Variants in UBR4 observed in about 807,000 individuals in gnomAD.
The protein encoded by UBR4 is E3 ubiquitin-protein ligase UBR4.
A neutral mutation model predicts 575.6 loss-of-function variants in UBR4; 124 were observed. The observed-to-expected ratio is 0.22, with a 90% confidence interval of 0.19 to 0.25. UBR4 has a LOEUF of 0.25. Ranked by LOEUF, UBR4 falls within the 10% of genes least tolerant of loss-of-function variation. UBR4 has a pLI of 1.00. For synonymous variants in UBR4, 2,455 were observed against 2,473.7 expected (o/e 0.99, Z 0.22); for missense variants, 4,818 against 6,478.8 (o/e 0.74, Z 8.80).
At chr1:19,132,605 T>TAAAAAAAAAAAAAAAAAAAAAAAAGGA in intron 60 of UBR4, among the ~76,000 whole-genome samples, 5 of 24,126 alleles carry the variant, frequency 2.1e-4, no homozygotes, top group African/African-American at 4.6e-4. Context: ...TAAAAAATGG[T>TAAAAAAAAAAAAAAAAAAAAAAAAGGA]AAAAAAAAAA....
chr1:19,107,574 G>C (rs1312044754), intron 81 of UBR4, among the ~76,000 whole-genome samples: 1 of 152,142 alleles, frequency 6.6e-6, no homozygotes, highest in Non-Finnish European at 1.5e-5. Context: ...CTTTAGTCCA[G>C]GAGTTCGAGA....
Position 19,100,021 on chromosome 1 carries a change from A to C in UBR4, c.13222-344T>G. 2.3e-6 allele frequency: 1 copy of C among 430,662 alleles called. No homozygotes were observed. The highest frequency in any genetic ancestry group is 4.2e-6 in the Non-Finnish European group (1 of 240,326). 26.7% of individuals were successfully genotyped at this position (430,662 alleles called of 1,614,324 possible). Reference sequence around the variant, plus strand: ...AGAAAGTAACTGACACGGGGACATAAACCTGCACAGGGGGTAAAACGCCAA... The same window carrying C: ...AGAAAGTAACTGACACGGGGACATACACCTGCACAGGGGGTAAAACGCCAA... On this transcript the variant is annotated intron_variant, in intron 89 of 105. Coordinates refer to ENST00000375254, the MANE Select transcript of UBR4 (RefSeq NM_020765.3). This position sits in a 1 kb window ranked among gnomAD's most constrained non-coding sequence, Gnocchi z 4.2.
chr1:19,097,274 G>A lies in UBR4; in HGVS notation c.13309C>T (p.Pro4437Ser), dbSNP rs1226926843. The change falls in exon 91 of 106, where the codon CCC becomes TCC. Residue 4437 changes from proline (P) to serine (S), a missense_variant. By Grantham distance (74) the Pro-to-Ser change is moderately conservative. Coordinates refer to ENST00000375254, the MANE Select transcript of UBR4 (RefSeq NM_020765.3). ...KVWCTTNEGE[P>S]MRIVYRMRGL... ...CGCATACGATAAACAATCCTCATGG[G>A]CTCTCCCTGAGCAGAGAAAGTTGGA... 6.2e-7 allele frequency: 1 copy of A among 1,613,092 alleles called. No homozygotes were observed. The highest frequency in any genetic ancestry group is 1.3e-5 in the African/African-American group (1 of 74,870).
intron 83 of UBR4, 142 bp downstream of exon 83, chr1:19,106,427 C>T: frequency 8.8e-7 from 1 of 1,137,046 alleles, no homozygotes; most frequent in Admixed American, 3.3e-5. Flanking sequence ...AACCTGTACT[C>T]ACTCCCTATT....
In UBR4 at chr1:19,117,250, G is replaced by T; in HGVS notation, c.10794C>A (p.Thr3598=). The change falls in exon 73 of 106, where the codon ACC becomes ACA. Residue 3598 remains threonine (T), a synonymous_variant. Transcript: ENST00000375254. This position sits in a 1 kb window ranked among gnomAD's most constrained non-coding sequence, Gnocchi z 4.0. The part of the protein sequence containing the change: ...RTINLYYNNR[T]VQAIVELKNK... ...TTTTCAACTCCACGATGGCCTGCAC[G>T]GTTCGGTTGTTATAATACAGGTTGA... 1 of 1,614,046 alleles carries T rather than the reference G, an allele frequency of 6.2e-7. No individual in the cohort carries two copies. Among genetic ancestry groups the T allele is most frequent in the East Asian group, 2.2e-5 (1 of 44,874 alleles).
intron 62 of UBR4, among the ~76,000 whole-genome samples, 183 bp downstream of exon 62, chr1:19,128,028 G>A (rs751670256): frequency 6.6e-5 from 10 of 152,122 alleles, no homozygotes; most frequent in Admixed American, 1.3e-4. Flanking sequence ...TATGCTCAGG[G>A]TCCAAAACTA....
Position 19,152,316 on chromosome 1 carries a change from G to C in UBR4, c.6993C>G (p.Thr2331=). The change falls in exon 47 of 106, where the codon ACC becomes ACG. Residue 2331 remains threonine, a synonymous_variant. Transcript: ENST00000375254. This position sits in a 1 kb window ranked among gnomAD's most constrained non-coding sequence, Gnocchi z 4.4. ...LNSTGMYVAN[T]KPGGFTIEIS... is the part of the protein sequence containing the mutation. ...CCCAGCCCAGTGCCATTCTTACCTT[G>C]GTGTTGGCCACATACATGCCAGTGG... The C allele has an allele frequency of 6.2e-7, 1 of 1,613,878 alleles. No individual in the cohort carries two copies. The highest frequency in any genetic ancestry group is 8.5e-7 in the Non-Finnish European group (1 of 1,179,812).
intron 84 of UBR4, among the ~76,000 whole-genome samples, 153 bp downstream of exon 84, chr1:19,105,580 C>A (rs768776641): frequency 1.3e-5 from 2 of 152,212 alleles, no homozygotes; most frequent in Admixed American, 1.3e-4. Flanking sequence ...CCACTACCAT[C>A]ACTAAAAGTC....
In UBR4 at chr1:19,197,275, G is replaced by A. The variant is rs1182415552; in HGVS notation, c.894-10C>T. ...CACCAATGAATGAAAGCTGGAACAT[G>A]ACAGAGATCAACAAGTGTCTCTTAG... On this transcript the variant is annotated splice_polypyrimidine_tract_variant and intron_variant, in intron 7 of 105. Transcript: ENST00000375254. 2.5e-6 allele frequency: 4 copies of A among 1,613,992 alleles called. No homozygotes were observed. Among genetic ancestry groups the A allele is most frequent in the South Asian group, 2.2e-5 (2 of 91,058 alleles).
chr1:19,202,389 A>G (rs1000837649), intron 1 of UBR4, among the ~76,000 whole-genome samples: 7 of 152,254 alleles, frequency 4.6e-5, no homozygotes, highest in Non-Finnish European at 2.9e-5. Context: ...AACAGCTAAT[A>G]TGCCTTCATT....
Position 19,193,404 on chromosome 1 carries a change from G to T in UBR4, c.1143+29C>A, listed in dbSNP as rs966135391. On this transcript the variant is annotated intron_variant, in intron 9 of 105. Transcript: ENST00000375254. ...ATACTCCCTCATTTGAACAATCAAG[G>T]TTCCCTTATCCCCAGATCTTTGGCT... 12 of 1,609,952 alleles carry T rather than the reference G, an allele frequency of 7.5e-6. No homozygotes were observed. In the African/African-American group the frequency reaches 1.5e-4, roughly 20 times the overall value.
In UBR4 at chr1:19,162,496, T is replaced by G. The variant is rs1557853659; in HGVS notation, c.4880A>C (p.Glu1627Ala). 6.2e-7 allele frequency: 1 copy of G among 1,614,086 alleles called. No individual in the cohort carries two copies. Among genetic ancestry groups the G allele is most frequent in the Non-Finnish European group, 8.5e-7 (1 of 1,179,940 alleles). Residue 1627 changes from glutamate (E) to alanine (A), a missense_variant, in exon 35 of 106, where the codon GAG (glutamate) becomes GCG (alanine). By Grantham distance (107) the Glu-to-Ala change is moderately radical (BLOSUM62 -1). This residue lies in a region of UBR4 where 1,172 missense variants were observed against 1,259.7 expected (regional missense o/e 0.93). Transcript: ENST00000375254. ...GPSHLSVDGEERAIEVDSDWV... is the reference protein window; with the variant it reads ...GPSHLSVDGEARAIEVDSDWV... ...GTCTGAGTCTACTTCAATGGCCCGC[T>G]CTTCCCCATCCACTGAGAGATGACT...
chr1:19,210,251 T>G lies in UBR4; in HGVS notation c.-3A>C. On this transcript the variant is annotated 5_prime_UTR_variant, in exon 1 of 106. Transcript: ENST00000375254. ...TCTTCGCCGCCGCTCGTCGCCATCTTCCGTCGTACTACTGCGGCTCCCTCC... is the reference window on the plus strand; with the variant it reads ...TCTTCGCCGCCGCTCGTCGCCATCTGCCGTCGTACTACTGCGGCTCCCTCC... 2 of 1,447,936 alleles carry G rather than the reference T, an allele frequency of 1.4e-6. No homozygotes were observed. Among genetic ancestry groups the G allele is most frequent in the Non-Finnish European group, 1.8e-6 (2 of 1,105,910 alleles). 89.7% of individuals were successfully genotyped at this position (1,447,936 alleles called of 1,614,324 possible).
intron 102 of UBR4, 135 bp downstream of exon 102, chr1:19,084,369 G>T: frequency 6.9e-6 from 6 of 870,992 alleles, no homozygotes; most frequent in Non-Finnish European, 1.0e-5. Context: ...TCCCCACCTC[G>T]GCAAAAAGGC....
rs1407296252 is a variant in UBR4 at position 19,081,570 on chromosome 1, G to T, written c.15012C>A (p.Thr5004=). 1 of 1,613,896 alleles carries T rather than the reference G, an allele frequency of 6.2e-7. No homozygotes were observed. Among genetic ancestry groups the T allele is most frequent in the Non-Finnish European group, 8.5e-7 (1 of 1,180,020 alleles). Residue 5004 remains threonine (T), a synonymous_variant, in exon 103 of 106, where the codon ACC becomes ACA. Coordinates refer to ENST00000375254, the MANE Select transcript of UBR4 (RefSeq NM_020765.3). ...IHTVLYVLNT[T]RATSREEKNL... Reference sequence around the variant, plus strand: ...TCTTCTCTTCTCGGGAAGTTGCTCGGGTTCTAGAAGAAAAGCGGCATGATA... The same window carrying T: ...TCTTCTCTTCTCGGGAAGTTGCTCGTGTTCTAGAAGAAAAGCGGCATGATA...
At position 19,139,012 on chromosome 1, in the gene UBR4, C is replaced by A. The variant is rs1306693777; in HGVS notation, c.8731+71G>T. ...TTCTTTGCAAAAACCAACCCCAAGA[C>A]CCAAGCAGAGATTCCTGTTTTGTCC... On this transcript the variant is annotated intron_variant, in intron 59 of 105. Coordinates refer to ENST00000375254, the MANE Select transcript of UBR4 (RefSeq NM_020765.3). This position sits in a 1 kb window ranked among gnomAD's most constrained non-coding sequence, Gnocchi z 4.2. 1 of 1,506,184 alleles carries A rather than the reference C, an allele frequency of 6.6e-7. No individual in the cohort carries two copies. Among genetic ancestry groups the A allele is most frequent in the Non-Finnish European group, 8.9e-7 (1 of 1,120,750 alleles). 93.3% of individuals were successfully genotyped at this position (1,506,184 alleles called of 1,614,324 possible). A position where few individuals can be genotyped will look rare whatever the true frequency, so the allele number is the denominator to read the frequency against.
chr1:19,104,631 G>C lies in UBR4; in HGVS notation c.12681C>G (p.Thr4227=). Residue 4227 remains threonine, a synonymous_variant, in exon 86 of 106, where the codon ACC becomes ACG. Coordinates refer to ENST00000375254, the MANE Select transcript of UBR4 (RefSeq NM_020765.3). ...IARLLALEEA[T]LSTDLQQGYA... is the part of the protein sequence containing the mutation. Reference sequence around the variant, plus strand: ...AACCCTGCTGCAGATCGGTACTCAGGGTAGCCTCCTCCAGGGCCAGCAGAC... The same window carrying C: ...AACCCTGCTGCAGATCGGTACTCAGCGTAGCCTCCTCCAGGGCCAGCAGAC... 1 of 1,614,040 alleles carries C rather than the reference G, an allele frequency of 6.2e-7. No individual in the cohort carries two copies. Among genetic ancestry groups the C allele is most frequent in the Non-Finnish European group, 8.5e-7 (1 of 1,179,982 alleles).
At position 19,081,504 on chromosome 1, in the gene UBR4, C is replaced by T. The variant is rs774045700; in HGVS notation, c.15078G>A (p.Val5026=). The T allele has an allele frequency of 3.7e-6, 6 of 1,613,970 alleles. No homozygotes were observed. Among genetic ancestry groups the T allele is most frequent in the Non-Finnish European group, 4.2e-6 (5 of 1,179,996 alleles). The part of the protein sequence containing the change: ...GFLEQPKEKW[V]ESAFEVDGPY... ...GCCCGTCCACTTCAAAGGCACTCTC[C>T]ACCCACTTCTCCTTGGGCTGTTCCA... Residue 5026 remains valine, a synonymous_variant, in exon 103 of 106, where the codon GTG becomes GTA. Coordinates refer to ENST00000375254, the MANE Select transcript of UBR4 (RefSeq NM_020765.3).
Position 19,101,551 on chromosome 1 carries a change from A to G in UBR4, c.12992T>C (p.Ile4331Thr). Residue 4331 changes from isoleucine (I) to threonine (T), a missense_variant, in exon 88 of 106, where the codon ATC (isoleucine) becomes ACC (threonine). This residue lies in a region of UBR4 where 105 missense variants were observed against 232.8 expected (regional missense o/e 0.45). Transcript: ENST00000375254. Reference protein sequence around the residue: ...NLDDYRTPVFIFERLCSIIYP... With the variant: ...NLDDYRTPVFTFERLCSIIYP... ...AATGATGCTGCAGAGCCTCTCGAAG[A>G]TGAACACCGGGGTCCGGTAGTCATC... The G allele has an allele frequency of 1.9e-6, 3 of 1,613,936 alleles. No homozygotes were observed. The highest frequency in any genetic ancestry group is 2.5e-6 in the Non-Finnish European group (3 of 1,179,816).
Sources: gnomAD v4.1 joint callset for allele counts (sites outside exome capture counted in the v4.1 genomes callset) on GRCh38, gnomAD v4.1.1 for gene constraint, gnomAD v4.1.1 regional missense constraint, Gnocchi (gnomAD v3.1) non-coding constraint, MANE v1.5 for transcripts, NCBI Gene and HGNC (gene_info 2026-07-23, HGNC 2026-07-21) for gene names.